The following MRE11 variants were observed in gnomAD, a reference collection of about 807,000 sequenced individuals.
MRE11 encodes MRE11 double strand break repair nuclease.
Under a neutral mutation model 91.7 loss-of-function variants are expected in MRE11, and 62 were observed. The ratio of observed to expected loss-of-function variants is 0.68; its 90% CI spans 0.55 to 0.84. The LOEUF is 0.84. Among genes scored for constraint, MRE11 ranks in the 40% least tolerant of loss-of-function variants. The pLI is 0.00. For synonymous variants in MRE11, 273 were observed against 271.4 expected (o/e 1.01, Z -0.06); for missense variants, 796 against 852.9 (o/e 0.93, Z 0.83).
At chr11:94,446,671 A>G (rs971449783) in intron 15 of MRE11, among the ~76,000 whole-genome samples, 8 of 152,238 alleles carry the variant, frequency 5.3e-5, no homozygotes, top group African/African-American at 1.9e-4. Flanking sequence ...GAACTATTCA[A>G]TGACAATAGT....
At chr11:94,480,932 G>C (rs1244488424) in intron 4 of MRE11, among the ~76,000 whole-genome samples, 1 of 152,200 alleles carries the variant, frequency 6.6e-6, no homozygotes, top group East Asian at 1.9e-4. Context: ...AGGATTGAGA[G>C]TCACAGACCT....
intron 16 of MRE11, among the ~76,000 whole-genome samples, chr11:94,441,935 G>A (rs1388130105): frequency 7.4e-6 from 1 of 135,600 alleles, no homozygotes; most frequent in African/African-American, 2.9e-5. Flanking sequence ...CCAAGATGAT[G>A]CCACTGCATT....
intron 2 of MRE11, 54 bp downstream of exon 2, chr11:94,492,728 T>C (rs1947319462): frequency 1.2e-6 from 2 of 1,608,362 alleles, no homozygotes; most frequent in Non-Finnish European, 1.7e-6. Context: ...TGATCACAGT[T>C]GACGAGCTTT....
upstream of MRE11, chr11:94,498,133 T>C: frequency 1.2e-6 from 2 of 1,614,100 alleles, no homozygotes; most frequent in Non-Finnish European, 1.7e-6. Context: ...GGGATGAAGA[T>C]GAGTATACCC....
chr11:94,418,047 T>C lies in MRE11; in HGVS notation c.*2078A>G, dbSNP rs548374832. 1 of 233,098 alleles carries C rather than the reference T, an allele frequency of 4.3e-6. No homozygotes were observed. Among genetic ancestry groups the C allele is most frequent in the African/African-American group, 2.2e-5 (1 of 45,444 alleles). 14.4% of individuals were successfully genotyped at this position (233,098 alleles called of 1,614,324 possible). On this transcript the variant is annotated 3_prime_UTR_variant, in exon 20 of 20. Transcript: ENST00000323929. ...GCCTCCAAGAGCAAATGCAGCTGCT[T>C]TCAAATCATCTGAAAGACTTCTACA...
intron 16 of MRE11, among the ~76,000 whole-genome samples, chr11:94,444,622 G>C (rs1945875515): frequency 6.6e-6 from 1 of 152,128 alleles, no homozygotes; most frequent in African/African-American, 2.4e-5. Flanking sequence ...GGGTATGCCT[G>C]CATAACTCTT....
At position 94,451,582 on chromosome 11, in the gene MRE11, A is replaced by G. The variant is rs534164813; in HGVS notation, c.1564-4144T>C. On this transcript the variant is annotated intron_variant, in intron 14 of 19. Transcript: ENST00000323929. ...TATGAAAGCAAATAGAGACTCCAGA[A>G]GCTTATGGAAAGACCAATATATCCA... 2.6e-5 allele frequency among the ~76,000 whole-genome samples: 4 copies of G among 152,294 alleles called. No homozygotes were observed. The South Asian group carries it at 8.3e-4, about 32-fold the overall frequency.
chr11:94,424,695 T>TAA (rs1216116905), intron 19 of MRE11, among the ~76,000 whole-genome samples: 2 of 152,104 alleles, frequency 1.3e-5, no homozygotes, highest in South Asian at 2.1e-4. Context: ...AAGGATTTCA[T>TAA]AATACAACTG....
Position 94,419,687 on chromosome 11 carries a change from A to G in MRE11, c.*438T>C, listed in dbSNP as rs1945118315. 1 of 236,516 alleles carries G rather than the reference A, an allele frequency of 4.2e-6. No individual in the cohort carries two copies. Among genetic ancestry groups the G allele is most frequent in the Admixed American group, 5.5e-5 (1 of 18,182 alleles). The allele number at this position is 236,516 out of a possible 1,614,324, so 14.7% of individuals were successfully genotyped here. ...CATTTAGTCTTATAAGAAGCATTGG[A>G]AAAAAACATACATAGTAACAAACAG... On this transcript the variant is annotated 3_prime_UTR_variant, in exon 20 of 20. Coordinates refer to ENST00000323929, the MANE Select transcript of MRE11 (RefSeq NM_005591.4).
At chr11:94,421,845 T>C (rs1465125747) in intron 19 of MRE11, among the ~76,000 whole-genome samples, 2 of 152,198 alleles carry the variant, frequency 1.3e-5, no homozygotes, top group Non-Finnish European at 2.9e-5. Flanking sequence ...ATGAAGTACC[T>C]AGAGTAGTTG....
intron 14 of MRE11, among the ~76,000 whole-genome samples, chr11:94,449,902 T>G (rs922710186): frequency 3.9e-5 from 6 of 152,200 alleles, no homozygotes; most frequent in Non-Finnish European, 4.4e-5. Context: ...CCACTGGATA[T>G]GCAGTCTGAC....
In MRE11 at chr11:94,476,381, G is replaced by A; in HGVS notation, c.567C>T (p.Leu189=). ...CTTTTTTATTGACAAACATTCGATA[G>A]AGCCTTTCATCTGGAATGGATCCTG... is the stretch of plus-strand genomic sequence containing the variant. ...YGLGSIPDER[L]YRMFVNKKVT... is the part of the protein sequence containing the mutation. The change falls in exon 7 of 20, where the codon CTC becomes CTT. Residue 189 remains leucine (L), a synonymous_variant. Coordinates refer to ENST00000323929, the MANE Select transcript of MRE11 (RefSeq NM_005591.4). The A allele has an allele frequency of 6.2e-7, 1 of 1,611,052 alleles. No individual in the cohort carries two copies. The highest frequency in any genetic ancestry group is 1.1e-5 in the South Asian group (1 of 91,024).
intron 6 of MRE11, among the ~76,000 whole-genome samples, chr11:94,476,922 G>A (rs891972150): frequency 2.0e-4 from 30 of 152,074 alleles, no homozygotes; most frequent in African/African-American, 5.1e-4. Flanking sequence ...GTTTTGCCAC[G>A]TTGGACAGGC....
intron 6 of MRE11, among the ~76,000 whole-genome samples, chr11:94,478,106 A>G (rs13447615): frequency 3.3e-5 from 5 of 152,130 alleles, no homozygotes; most frequent in South Asian, 2.1e-4. Flanking sequence ...ACAGGATAAG[A>G]TAAGAGTTTG....
intron 3 of MRE11, among the ~76,000 whole-genome samples, chr11:94,487,813 T>A (rs1193594785): frequency 6.6e-6 from 1 of 152,232 alleles, no homozygotes; most frequent in Non-Finnish European, 1.5e-5. Context: ...AGGAATTCTA[T>A]GCGCTATTCT....
At chr11:94,475,502 T>C in intron 7 of MRE11, 3 of 434,424 alleles carry the variant, frequency 6.9e-6, no homozygotes, top group South Asian at 4.9e-5. Flanking sequence ...TTCTCCGGTG[T>C]GTCCCTCCCA....
chr11:94,492,877 A>C lies in MRE11; in HGVS notation c.-76T>G. ...CTGGGTACTGTACTCAAATGTCAGA[A>C]AATGCACTCGATTCCAAATTCTAGA... On this transcript the variant is annotated 5_prime_UTR_variant, in exon 2 of 20. Transcript: ENST00000323929. 2 of 1,344,426 alleles carry C rather than the reference A, an allele frequency of 1.5e-6. No individual in the cohort carries two copies. The highest frequency in any genetic ancestry group is 2.1e-6 in the Non-Finnish European group (2 of 951,336). 83.3% of individuals were successfully genotyped at this position (1,344,426 alleles called of 1,614,324 possible).
At chr11:94,510,456 A>T in the MRE11 span, among the ~76,000 whole-genome samples, 1 of 152,362 alleles carries the variant, frequency 6.6e-6, no homozygotes, top group East Asian at 1.9e-4. Context: ...AAATTCTGAA[A>T]TATTTCTTAT....
chr11:94,457,887 T>TCTCTCACACACACACACACACACA (rs372404360), intron 13 of MRE11, among the ~76,000 whole-genome samples: 1 of 144,306 alleles, frequency 6.9e-6, no homozygotes, highest in African/African-American at 2.6e-5. Context: ...TCTCTCTCTC[T>TCTCTCACACACACACACACACACA]CACACACACA....
Sources: allele counts gnomAD v4.1 joint callset (sites outside exome capture counted in the v4.1 genomes callset), GRCh38; gene constraint gnomAD v4.1.1; transcripts MANE v1.5; gene names NCBI Gene and HGNC (gene_info 2026-07-23, HGNC 2026-07-21).